Variants in TMEM14A observed in about 807,000 individuals in gnomAD.
TMEM14A encodes transmembrane protein 14A.
Under a neutral mutation model 11.6 loss-of-function variants are expected in TMEM14A, and 8 were observed. The observed-to-expected ratio is 0.69, with a 90% CI of 0.40 to 1.24. The LOEUF (loss-of-function observed/expected upper bound fraction) is 1.24. TMEM14A is among the 50% of genes most tolerant of loss of function. TMEM14A has a pLI of 0.01. For missense variants in TMEM14A, 108 were observed against 121.9 expected, an observed-to-expected ratio of 0.89 and a Z score of 0.54; for synonymous variants, 34 against 45.5, an observed-to-expected ratio of 0.75 and a Z score of 1.02.
chr6:52,677,312 CTCATGAAAGGAAGAGGCT>C (rs1457591401), intron 2 of TMEM14A, 140 bp downstream of exon 2: 1 of 896,568 alleles, frequency 1.1e-6, no homozygotes, highest in South Asian at 1.5e-5. Context: ...TTGGAAGGGA[CTCATGAAAGGAAGAGGCT>C]TCCGTGGGGC....
chr6:52,685,782 A>G (rs1769481908), intron 4 of TMEM14A, among the ~76,000 whole-genome samples: 1 of 152,142 alleles, frequency 6.6e-6, no homozygotes, highest in Admixed American at 6.5e-5. Context: ...ACCCTCATCC[A>G]AGGTTTTCAG....
At chr6:52,683,889 A>G (rs1769440955) in intron 3 of TMEM14A, among the ~76,000 whole-genome samples, 189 bp from the exon 4 acceptor site, 2 of 152,244 alleles carry the variant, frequency 1.3e-5, no homozygotes, top group Admixed American at 1.3e-4. Flanking sequence ...TGCTGGGATT[A>G]TAGGCGTAAG....
intron 1 of TMEM14A, among the ~76,000 whole-genome samples, chr6:52,674,596 T>C (rs1394101727): frequency 6.6e-6 from 1 of 152,196 alleles, no homozygotes; most frequent in African/African-American, 2.4e-5. Flanking sequence ...TAGCACATAG[T>C]AATTGCTCAA....
intron 4 of TMEM14A, 95 bp downstream of exon 4, chr6:52,684,260 T>G (rs1243488012): frequency 8.9e-7 from 1 of 1,126,976 alleles, no homozygotes; most frequent in Admixed American, 2.5e-5. Context: ...AAGATCAAAG[T>G]CCTTTTTGTT....
Position 52,686,453 on chromosome 6 carries a change from T to A in TMEM14A, c.*404T>A, listed in dbSNP as rs1769495830. 2.6e-6 allele frequency: 1 copy of A among 386,428 alleles called. No individual in the cohort carries two copies. Among genetic ancestry groups the A allele is most frequent in the Non-Finnish European group, 4.6e-6 (1 of 217,646 alleles). The allele number at this position is 386,428 out of a possible 1,614,324, so 23.9% of individuals were successfully genotyped here. Reference sequence around the variant, plus strand: ...TCATTTGTGTTATATTTGAAATTATTAGAAATTATGCTTTTTCCATTTTAA... The same window carrying A: ...TCATTTGTGTTATATTTGAAATTATAAGAAATTATGCTTTTTCCATTTTAA... On this transcript the variant is annotated 3_prime_UTR_variant, in exon 5 of 5. Coordinates refer to ENST00000211314, the MANE Select transcript of TMEM14A (RefSeq NM_014051.4).
rs1207976554 is a variant in TMEM14A at position 52,671,143 on chromosome 6, A to C, written c.-119A>C. On this transcript the variant is annotated 5_prime_UTR_variant, in exon 1 of 5. Coordinates refer to ENST00000211314, the MANE Select transcript of TMEM14A (RefSeq NM_014051.4). ...GAGACGGCTGGGCGCCGAGTGGGAC[A>C]GCGCTGGTGCGGAGACTGCTTCCGG... 4 of 152,324 alleles carry C rather than the reference A, an allele frequency of 2.6e-5. No homozygotes were observed. Among genetic ancestry groups the C allele is most frequent in the African/African-American group, 9.6e-5 (4 of 41,480 alleles). The allele number at this position is 152,324 out of a possible 1,614,324, so 9.4% of individuals were successfully genotyped here. A position where few individuals can be genotyped will look rare whatever the true frequency, so the allele number is the denominator to read the frequency against.
intron 2 of TMEM14A, among the ~76,000 whole-genome samples, chr6:52,680,585 T>TATATATATATA (rs1561874901): frequency 4.5e-4 from 15 of 33,242 alleles, no homozygotes; most frequent in Non-Finnish European, 1.0e-3. Context: ...CACTATATAT[T>TATATATATATA]TATATATTTA....
At chr6:52,674,705 G>C (rs1769222788) in intron 1 of TMEM14A, among the ~76,000 whole-genome samples, 1 of 152,066 alleles carries the variant, frequency 6.6e-6, no homozygotes, top group South Asian at 2.1e-4. Flanking sequence ...ACATCCTACT[G>C]TACCACTTCT....
intron 1 of TMEM14A, among the ~76,000 whole-genome samples, chr6:52,673,959 T>C (rs529011383): frequency 1.4e-4 from 21 of 152,346 alleles, no homozygotes; most frequent in African/African-American, 4.8e-4. Flanking sequence ...AGAGTAATCA[T>C]TGGAGCAGCT....
chr6:52,674,230 A>C (rs951686884), intron 1 of TMEM14A, among the ~76,000 whole-genome samples: 1 of 152,218 alleles, frequency 6.6e-6, no homozygotes, highest in Admixed American at 6.5e-5. Context: ...GGGGCTGAAC[A>C]TTGTAAGTTA....
chr6:52,680,704 T>TATATATATATATATATATATACAC (rs371102796), intron 2 of TMEM14A, among the ~76,000 whole-genome samples: 537 of 51,086 alleles, frequency 0.011, 63 homozygotes, highest in East Asian at 0.099. Context: ...TATATATATA[T>TATATATATATATATATATATACAC]ACACATATAT....
At chr6:52,684,212 A>G (rs1378914148) in intron 4 of TMEM14A, 47 bp downstream of exon 4, 1 of 1,546,284 alleles carries the variant, frequency 6.5e-7, no homozygotes, top group Non-Finnish European at 8.8e-7. Flanking sequence ...TGTTGTTTTG[A>G]AGTGCTGAAT....
Position 52,681,827 on chromosome 6 carries a change from T to C in TMEM14A, c.85T>C (p.Leu29=). 6.2e-7 allele frequency: 1 copy of C among 1,614,114 alleles called. No homozygotes were observed. Among genetic ancestry groups the C allele is most frequent in the Non-Finnish European group, 8.5e-7 (1 of 1,179,988 alleles). The stretch of plus-strand genomic sequence containing the variant: ...TCCCCTTCCAGGTGGTGTTCCGTCT[T>C]TGATTGCTGGTCTTTTTGTTGGATG... ...GYKRRGGVPS[L]IAGLFVGCLA... Residue 29 remains leucine, a synonymous_variant, in exon 3 of 5, where the codon TTG becomes CTG. Coordinates refer to ENST00000211314, the MANE Select transcript of TMEM14A (RefSeq NM_014051.4).
chr6:52,686,079 T>C lies in TMEM14A; in HGVS notation c.*30T>C, dbSNP rs1319695726. Reference sequence around the variant, plus strand: ...CTGGAGGAACAGAAAACTAAGTTCATGTCATCCTGCTGTAATGGGCAGAGC... The same window carrying C: ...CTGGAGGAACAGAAAACTAAGTTCACGTCATCCTGCTGTAATGGGCAGAGC... On this transcript the variant is annotated 3_prime_UTR_variant, in exon 5 of 5. Coordinates refer to ENST00000211314, the MANE Select transcript of TMEM14A (RefSeq NM_014051.4). 1 of 1,603,726 alleles carries C rather than the reference T, an allele frequency of 6.2e-7. No individual in the cohort carries two copies. Among genetic ancestry groups the C allele is most frequent in the East Asian group, 2.2e-5 (1 of 44,486 alleles).
intron 2 of TMEM14A, among the ~76,000 whole-genome samples, chr6:52,679,643 C>T (rs1005732200): frequency 2.0e-5 from 3 of 152,194 alleles, no homozygotes; most frequent in African/African-American, 7.2e-5. Context: ...CTATGGGTCA[C>T]TGAGCTTGTT....
intron 2 of TMEM14A, among the ~76,000 whole-genome samples, chr6:52,677,496 A>ATTTTTTTTTTTTTTT (rs1769280943): frequency 6.6e-6 from 1 of 150,782 alleles, no homozygotes; most frequent in Non-Finnish European, 1.5e-5. Context: ...TTTGCTTTAC[A>ATTTTTTTTTTTTTTT]TAATCGTGGT....
intron 3 of TMEM14A, 30 bp downstream of exon 3, chr6:52,681,944 GACTCAA>G (rs1167937546): frequency 6.3e-7 from 1 of 1,580,544 alleles, no homozygotes; most frequent in Non-Finnish European, 8.7e-7. Flanking sequence ...TGGTTACAGA[GACTCAA>G]ACATTGGAGG....
chr6:52,680,681 ATACATATATG>A (rs1769364748), intron 2 of TMEM14A, among the ~76,000 whole-genome samples: 1 of 80,446 alleles, frequency 1.2e-5, no homozygotes, highest in Non-Finnish European at 2.7e-5. Context: ...ATATATATAT[ATACATATATG>A]TATATATATA....
At chr6:52,673,039 T>G (rs376449479) in intron 1 of TMEM14A, among the ~76,000 whole-genome samples, 66 of 152,348 alleles carry the variant, frequency 4.3e-4, no homozygotes, top group African/African-American at 1.5e-3. Flanking sequence ...CTTTTCATTT[T>G]GAGAACATGC....
Sources: allele counts gnomAD v4.1 joint callset (sites outside exome capture counted in the v4.1 genomes callset), GRCh38; gene constraint gnomAD v4.1.1; transcripts MANE v1.5; gene names NCBI Gene and HGNC (gene_info 2026-07-23, HGNC 2026-07-21).